Variants in ITGBL1 observed in about 807,000 individuals in gnomAD.
ITGBL1 encodes integrin subunit beta like 1.
Under a neutral mutation model 68.5 loss-of-function variants are expected in ITGBL1, and 51 were observed. The observed-to-expected ratio is 0.74, with a 90% CI of 0.59 to 0.94. The LOEUF (loss-of-function observed/expected upper bound fraction) is 0.94. Ranked by LOEUF, ITGBL1 falls within the 40% of genes least tolerant of loss-of-function variation. The pLI is 0.00. For synonymous variants in ITGBL1, 209 were observed against 227.3 expected, an observed-to-expected ratio of 0.92 and a Z score of 0.72; for missense variants, 649 against 647.4, an observed-to-expected ratio of 1.00 and a Z score of -0.03.
At chr13:101,602,493 A>G (rs1390364783) in intron 7 of ITGBL1, among the ~76,000 whole-genome samples, 4 of 152,058 alleles carry the variant, frequency 2.6e-5, no homozygotes, top group African/African-American at 9.6e-5. Context: ...TTTGTTCAAG[A>G]AAGGAAACAA....
intron 7 of ITGBL1, among the ~76,000 whole-genome samples, chr13:101,631,506 C>G (rs1025315731): frequency 6.6e-6 from 1 of 152,044 alleles, no homozygotes; most frequent in African/African-American, 2.4e-5. Flanking sequence ...CACAGAGAAA[C>G]TGCAGAAGAG....
chr13:101,611,381 T>C (rs2031120030), intron 7 of ITGBL1, among the ~76,000 whole-genome samples: 1 of 152,198 alleles, frequency 6.6e-6, no homozygotes, highest in Non-Finnish European at 1.5e-5. Flanking sequence ...TCGTATCATG[T>C]TTACTTAACT....
chr13:101,604,887 T>TATATACACACACAC lies in ITGBL1; in HGVS notation c.1015+6589_1015+6590insTATACACACACACA. 2.9e-3 allele frequency among the ~76,000 whole-genome samples: 65 copies of TATATACACACACAC among 22,140 alleles called. 1 individual carries two copies. The highest frequency in any genetic ancestry group is 3.4e-3 in the Non-Finnish European group (42 of 12,222). 14.5% of individuals were successfully genotyped at this position (22,140 alleles called of 152,430 possible). The stretch of plus-strand genomic sequence containing the variant: ...ATATATATATATATATATATATATA[T>TATATACACACACAC]ACACACACACACACATATATATGTG... On this transcript the variant is annotated intron_variant, in intron 7 of 10. Transcript: ENST00000376180.
chr13:101,653,802 C>T (rs1982144), intron 7 of ITGBL1, among the ~76,000 whole-genome samples: 10,376 of 151,196 alleles, frequency 0.069, 385 homozygotes, highest in Middle Eastern at 0.12. Context: ...GATTCTCCTG[C>T]CTCAGACTCC....
At chr13:101,688,420 A>G (rs1342523446) in intron 7 of ITGBL1, among the ~76,000 whole-genome samples, 1 of 152,162 alleles carries the variant, frequency 6.6e-6, no homozygotes, top group South Asian at 2.1e-4. Flanking sequence ...TTACAGAGAA[A>G]ATGGTGGTGT....
At position 101,522,013 on chromosome 13, in the gene ITGBL1, GAA is replaced by G. The variant is rs538619528; in HGVS notation, c.317-45684_317-45683del. ...TGGTCTTTATGCTCACAGTGGGAGA[GAA>G]AGAGAGAGGGAGGAAGAGGGAGAGA... On this transcript the variant is annotated intron_variant, in intron 2 of 10. Transcript: ENST00000376180. Among the ~76,000 whole-genome samples, 615 of 151,958 alleles carry G rather than the reference GAA, an allele frequency of 4.0e-3. 8 individuals carry two copies. The highest frequency in any genetic ancestry group is 0.014 in the African/African-American group (571 of 41,444).
Position 101,575,481 on chromosome 13 carries a change from AT to A in ITGBL1, c.522del (p.Tyr174Ter). 1 of 1,612,792 alleles carries A rather than the reference AT, an allele frequency of 6.2e-7. No homozygotes were observed. The highest frequency in any genetic ancestry group is 1.1e-5 in the South Asian group (1 of 91,064). On this transcript the variant is annotated frameshift_variant, in exon 4 of 11. Coordinates refer to ENST00000376180, the MANE Select transcript of ITGBL1 (RefSeq NM_004791.3). LOFTEE classifies it high-confidence loss of function. ...CDNSDGSGLV[Y>X]GKFCECDDRE... ...AATTCAGATGGAAGTGGACTTGTGT[AT>A]GGTAAATTTTGTGAGTGTGACGATA...
intron 9 of ITGBL1, 118 bp from the exon 10 acceptor site, chr13:101,714,320 T>G: frequency 1.4e-6 from 1 of 715,822 alleles, no homozygotes; most frequent in Admixed American, 2.1e-5. Flanking sequence ...TTCAATACAC[T>G]TTTACCTTTG....
intron 7 of ITGBL1, among the ~76,000 whole-genome samples, chr13:101,652,308 AT>A (rs34531464): frequency 1.4e-4 from 21 of 151,882 alleles, no homozygotes; most frequent in Non-Finnish European, 2.4e-4. Context: ...CACCTAGTTA[AT>A]TTTTTTTACA....
At chr13:101,563,020 G>T (rs2050125457) in intron 2 of ITGBL1, among the ~76,000 whole-genome samples, 1 of 150,636 alleles carries the variant, frequency 6.6e-6, no homozygotes, top group Admixed American at 6.6e-5. Context: ...ATAACCCATA[G>T]GTTAATAGGA....
At chr13:101,472,989 G>A (rs2048483920) in intron 2 of ITGBL1, among the ~76,000 whole-genome samples, 1 of 152,012 alleles carries the variant, frequency 6.6e-6, no homozygotes, top group Non-Finnish European at 1.5e-5. Context: ...TAATTATGTT[G>A]TTCAATCAAC....
chr13:101,669,632 T>C (rs1471523656), intron 7 of ITGBL1, among the ~76,000 whole-genome samples: 1 of 152,220 alleles, frequency 6.6e-6, no homozygotes, highest in Non-Finnish European at 1.5e-5. Flanking sequence ...TGATCTGCTC[T>C]CAGTGAAATT....
At chr13:101,655,357 A>G (rs555837211) in intron 7 of ITGBL1, among the ~76,000 whole-genome samples, 1 of 151,978 alleles carries the variant, frequency 6.6e-6, no homozygotes, top group South Asian at 2.1e-4. Flanking sequence ...ATTTAAATGT[A>G]CTGAAACGCA....
At chr13:101,472,976 G>A (rs931586027) in intron 2 of ITGBL1, among the ~76,000 whole-genome samples, 9 of 152,160 alleles carry the variant, frequency 5.9e-5, no homozygotes, top group African/African-American at 1.7e-4. Flanking sequence ...TATGTTGTGT[G>A]TATAATTATG....
chr13:101,584,283 AGTC>A (rs1285518968), intron 6 of ITGBL1, among the ~76,000 whole-genome samples: 1 of 152,190 alleles, frequency 6.6e-6, no homozygotes, highest in Non-Finnish European at 1.5e-5. Flanking sequence ...AAAATATGTA[AGTC>A]CAGGATGTCT....
intron 2 of ITGBL1, among the ~76,000 whole-genome samples, chr13:101,485,270 T>C (rs1372616847): frequency 6.6e-6 from 1 of 152,166 alleles, no homozygotes; most frequent in African/African-American, 2.4e-5. Flanking sequence ...CTACACTAAG[T>C]CATGAAAAGA....
intron 7 of ITGBL1, among the ~76,000 whole-genome samples, chr13:101,631,003 A>C (rs138313529): frequency 6.6e-6 from 1 of 152,144 alleles, no homozygotes; most frequent in Non-Finnish European, 1.5e-5. Context: ...TTATGCTCCA[A>C]CTGATCAGAC....
chr13:101,541,315 T>C (rs4517637), intron 2 of ITGBL1, among the ~76,000 whole-genome samples: 34,804 of 152,058 alleles, frequency 0.23, 4,740 homozygotes, highest in Non-Finnish European at 0.3. Flanking sequence ...AGATAATAGA[T>C]GGTTTTTGTG....
intron 2 of ITGBL1, among the ~76,000 whole-genome samples, chr13:101,562,678 A>G (rs1198069804): frequency 6.6e-6 from 1 of 151,940 alleles, no homozygotes; most frequent in East Asian, 1.9e-4. Context: ...AAATTTAAAG[A>G]ATGACAGACT....
Sources: allele counts gnomAD v4.1 joint callset (sites outside exome capture counted in the v4.1 genomes callset), GRCh38; gene constraint gnomAD v4.1.1; transcripts MANE v1.5; gene names NCBI Gene and HGNC (gene_info 2026-07-23, HGNC 2026-07-21).